Variants in PRKN observed in about 807,000 individuals in gnomAD.
PRKN encodes parkin RBR E3 ubiquitin protein ligase.
In PRKN, 56 loss-of-function variants were observed where a neutral mutation model predicts 59.5. The observed-to-expected ratio is 0.94, with a 90% CI of 0.76 to 1.18. The LOEUF is 1.18. Ranked by LOEUF, PRKN falls within the 50% of genes most tolerant of loss-of-function variation. PRKN has a pLI of 0.00. For missense variants in PRKN, 657 were observed against 596.4 expected (o/e 1.10, Z -1.06); for synonymous variants, 250 against 222.1 (o/e 1.13, Z -1.12).
chr6:162,071,570 G>A (rs543127861), intron 4 of PRKN, among the ~76,000 whole-genome samples: 2 of 150,126 alleles, frequency 1.3e-5, no homozygotes, highest in South Asian at 2.1e-4. Flanking sequence ...GAACTTATCA[G>A]TGGATTCCAA....
At chr6:161,594,909 T>C (rs1453191483) in intron 7 of PRKN, among the ~76,000 whole-genome samples, 1 of 152,182 alleles carries the variant, frequency 6.6e-6, no homozygotes, top group African/African-American at 2.4e-5. Flanking sequence ...TCAAATCAGA[T>C]AGGCAGAAGC....
intron 1 of PRKN, among the ~76,000 whole-genome samples, chr6:162,595,318 C>G (rs1318284215): frequency 2.0e-5 from 3 of 151,322 alleles, no homozygotes; most frequent in Non-Finnish European, 4.4e-5. Flanking sequence ...TGCAGTGGTG[C>G]AATCTTGGCT....
At chr6:161,408,840 T>C (rs1439965230) in intron 9 of PRKN, among the ~76,000 whole-genome samples, 2 of 152,234 alleles carry the variant, frequency 1.3e-5, no homozygotes, top group African/African-American at 2.4e-5. Flanking sequence ...AATGAAATCT[T>C]ATCTAAAATG....
chr6:161,610,492 TACACACACACACACACACAC>T lies in PRKN; in HGVS notation c.872-41096_872-41077del, dbSNP rs370179659. Among the ~76,000 whole-genome samples, 147 of 139,858 alleles carry T rather than the reference TACACACACACACACACACAC, an allele frequency of 1.1e-3. 1 individual carries two copies. The highest frequency in any genetic ancestry group is 3.7e-3 in the African/African-American group (139 of 37,964). The allele number at this position is 139,858 out of a possible 152,430, so 91.8% of individuals were successfully genotyped here. A position where few individuals can be genotyped will look rare whatever the true frequency, so the allele number is the denominator to read the frequency against. ...GAAAAATGTATATGTATATTAATAA[TACACACACACACACACACAC>T]ACACACACACACACACAAATTTAAG... On this transcript the variant is annotated intron_variant, in intron 7 of 11. Transcript: ENST00000366898.
chr6:162,208,707 T>A (rs959639923), intron 3 of PRKN, among the ~76,000 whole-genome samples: 7 of 152,144 alleles, frequency 4.6e-5, no homozygotes, highest in Non-Finnish European at 1.0e-4. Context: ...ATGGGCACAG[T>A]TAAGGTGGTG....
At chr6:162,496,073 A>G (rs1281512462) in intron 1 of PRKN, among the ~76,000 whole-genome samples, 1 of 152,110 alleles carries the variant, frequency 6.6e-6, no homozygotes, top group Non-Finnish European at 1.5e-5. Context: ...CCCTGTCTCT[A>G]TTAAAAATAC....
intron 6 of PRKN, among the ~76,000 whole-genome samples, chr6:161,865,425 C>A (rs1270570170): frequency 5.9e-5 from 9 of 152,152 alleles, no homozygotes; most frequent in Non-Finnish European, 1.3e-4. Flanking sequence ...GCTTTGAAGC[C>A]AGGAATCGAT....
At chr6:162,383,435 T>G (rs571248485) in intron 2 of PRKN, among the ~76,000 whole-genome samples, 4 of 152,318 alleles carry the variant, frequency 2.6e-5, no homozygotes, top group Non-Finnish European at 4.4e-5. Context: ...GGTAATGTTC[T>G]GAAGAGTCAT....
At chr6:161,595,382 C>G (rs920857350) in intron 7 of PRKN, among the ~76,000 whole-genome samples, 2 of 152,150 alleles carry the variant, frequency 1.3e-5, no homozygotes, top group African/African-American at 4.8e-5. Context: ...CTATGTTATT[C>G]AAGCTCAAGA....
rs1189216708 is a variant in PRKN, at chr6:161,442,186, GA to G, written c.1084-55310del. Among the ~76,000 whole-genome samples, 2 of 152,174 alleles carry G rather than the reference GA, an allele frequency of 1.3e-5. No homozygotes were observed. Among genetic ancestry groups the G allele is most frequent in the African/African-American group, 4.8e-5 (2 of 41,446 alleles). On this transcript the variant is annotated intron_variant, in intron 9 of 11. Transcript: ENST00000366898. The surrounding 1 kb of genome is among the most constrained non-coding windows in gnomAD (Gnocchi z 4.6). ...AGAGAGACCTTCTCAAAGTCTGTCA[GA>G]AAGATTTTTAATCATCTTTAAGTAA...
At position 162,572,818 on chromosome 6, in the gene PRKN, CTG is replaced by C. The variant is rs200829482; in HGVS notation, c.8-129347_8-129346del. On this transcript the variant is annotated intron_variant, in intron 1 of 11. Coordinates refer to ENST00000366898, the MANE Select transcript of PRKN (RefSeq NM_004562.3). ...AAATATTTATAGAAAATTTAGGTTCCTGTGGCTGTGAAACTATTCTCAAAAAA... is the reference window on the plus strand; with the variant it reads ...AAATATTTATAGAAAATTTAGGTTCCTGGCTGTGAAACTATTCTCAAAAAA... Among the ~76,000 whole-genome samples the C allele has an allele frequency of 4.7e-3, 721 of 152,202 alleles. 18 individuals carry two copies. Among genetic ancestry groups the C allele is most frequent in the Admixed American group, 0.042 (641 of 15,288 alleles).
chr6:161,664,549 G>A (rs575574754), intron 7 of PRKN, among the ~76,000 whole-genome samples: 2 of 152,220 alleles, frequency 1.3e-5, no homozygotes, highest in African/African-American at 4.8e-5. Flanking sequence ...AAAAATCCTA[G>A]GGTAAAATAT....
At chr6:161,717,011 G>C (rs756599671) in intron 7 of PRKN, among the ~76,000 whole-genome samples, 1 of 152,160 alleles carries the variant, frequency 6.6e-6, no homozygotes, top group Non-Finnish European at 1.5e-5. Context: ...GCTGTGTGCA[G>C]AGCATGTCAT....
intron 2 of PRKN, among the ~76,000 whole-genome samples, chr6:162,422,259 T>A (rs1789008048): frequency 6.6e-6 from 1 of 152,226 alleles, no homozygotes; most frequent in Admixed American, 6.5e-5. Flanking sequence ...TAATAATATT[T>A]CTTTAATCAA....
intron 2 of PRKN, among the ~76,000 whole-genome samples, chr6:162,406,350 G>A (rs891634765): frequency 2.0e-5 from 3 of 152,160 alleles, no homozygotes; most frequent in South Asian, 4.1e-4. Context: ...TGTGCATACT[G>A]CATGAACAGT....
intron 4 of PRKN, among the ~76,000 whole-genome samples, chr6:162,131,894 G>T (rs1258213592): frequency 6.6e-6 from 1 of 152,184 alleles, no homozygotes; most frequent in Non-Finnish European, 1.5e-5. Flanking sequence ...GGGTGGGGTT[G>T]GCAAGTGCTT....
chr6:161,673,659 T>C (rs183086959), intron 7 of PRKN, among the ~76,000 whole-genome samples: 139 of 151,928 alleles, frequency 9.1e-4, no homozygotes, highest in Non-Finnish European at 1.6e-3. Context: ...AGCAGAGAAG[T>C]GGGGAGGTGG....
chr6:161,800,651 T>C (rs9295168), intron 6 of PRKN, among the ~76,000 whole-genome samples: 7,042 of 152,248 alleles, frequency 0.046, 542 homozygotes, highest in African/African-American at 0.16. Context: ...GTGTCTGGCC[T>C]ATGAAGCCCC....
rs1338286663 is a variant in PRKN at position 161,448,309 on chromosome 6, T to C, written c.1084-61432A>G. 6.6e-5 allele frequency among the ~76,000 whole-genome samples: 10 copies of C among 152,212 alleles called. No individual in the cohort carries two copies. The highest frequency in any genetic ancestry group is 2.4e-4 in the African/African-American group (10 of 41,444). On this transcript the variant is annotated intron_variant, in intron 9 of 11. Coordinates refer to ENST00000366898, the MANE Select transcript of PRKN (RefSeq NM_004562.3). The surrounding 1 kb of genome is among the most constrained non-coding windows in gnomAD (Gnocchi z 5.1). Reference sequence around the variant, plus strand: ...GCAGCCCTTGAATGAATTACTTAACTGGATCCTAAGCATTTTGATTATTTT... The same window carrying C: ...GCAGCCCTTGAATGAATTACTTAACCGGATCCTAAGCATTTTGATTATTTT...
Sources: gnomAD v4.1 joint callset for allele counts (sites outside exome capture counted in the v4.1 genomes callset) on GRCh38, gnomAD v4.1.1 for gene constraint, Gnocchi (gnomAD v3.1) non-coding constraint, MANE v1.5 for transcripts, NCBI Gene and HGNC (gene_info 2026-07-23, HGNC 2026-07-21) for gene names.